Variants in HERC2 observed in about 807,000 individuals in gnomAD.
HERC2 encodes HECT and RLD domain containing E3 ubiquitin protein ligase 2.
HERC2 carries 102 observed loss-of-function variants against 537.7 expected under a neutral mutation model. That is an observed-to-expected ratio of 0.19 (90% CI 0.16 to 0.22). HERC2 has a LOEUF of 0.22. Ranked by LOEUF, HERC2 falls within the 10% of genes least tolerant of loss-of-function variation. The pLI is 1.00. For synonymous variants in HERC2, 2,224 were observed against 2,466.2 expected (o/e 0.90, Z 2.91); for missense variants, 4,236 against 6,198.2 (o/e 0.68, Z 10.63).
chr15:28,146,166 C>T (rs1427195326), intron 71 of HERC2, 71 bp downstream of exon 71: 3 of 1,042,456 alleles, frequency 2.9e-6, no homozygotes, highest in Non-Finnish European at 4.5e-6. Flanking sequence ...TTCTGTCCTA[C>T]AAATGTGAAG....
intron 69 of HERC2, among the ~76,000 whole-genome samples, chr15:28,160,309 C>T (rs893181803): frequency 2.6e-5 from 4 of 152,206 alleles, no homozygotes; most frequent in African/African-American, 4.8e-5. Flanking sequence ...GCCTTTTGTT[C>T]GGCTATGGCC....
At chr15:28,196,182 G>C in intron 52 of HERC2, 33 bp downstream of exon 52, 1 of 1,265,674 alleles carries the variant, frequency 7.9e-7, no homozygotes, top group Non-Finnish European at 1.1e-6. Flanking sequence ...ATTAATATTT[G>C]GTGGAAGAGA....
intron 2 of HERC2, among the ~76,000 whole-genome samples, chr15:28,318,922 C>T (rs1245395275): frequency 6.6e-6 from 1 of 150,744 alleles, no homozygotes; most frequent in Admixed American, 6.6e-5. Context: ...AAACATCTTC[C>T]TATCCCATGT....
At chr15:28,315,685 T>A in intron 2 of HERC2, 2 of 778,268 alleles carry the variant, frequency 2.6e-6, no homozygotes, top group Non-Finnish European at 4.4e-6. Flanking sequence ...CTTGGAAACC[T>A]CTGCGCCATG....
chr15:28,212,567 A>C lies in HERC2; in HGVS notation c.6803T>G (p.Phe2268Cys). The change falls in exon 43 of 93, where the codon TTT becomes TGT. Residue 2268 changes from phenylalanine (F) to cysteine (C), a missense_variant. Phe to Cys is a radical substitution (Grantham distance 205, BLOSUM62 -2). Coordinates refer to ENST00000261609, the MANE Select transcript of HERC2 (RefSeq NM_004667.6). ...NQLKPLPAVA[F>C]NVNNLPFTEP... is the part of the protein sequence containing the mutation. ...TGTGAAGGGCAGGTTGTTCACATTA[A>C]AGGCCACGGCAGGGAGCTGGAGAGG... 1 of 1,605,738 alleles carries C rather than the reference A, an allele frequency of 6.2e-7. No homozygotes were observed. The highest frequency in any genetic ancestry group is 8.5e-7 in the Non-Finnish European group (1 of 1,174,760).
chr15:28,159,356 C>T (rs1290320962), intron 69 of HERC2, among the ~76,000 whole-genome samples: 1 of 152,180 alleles, frequency 6.6e-6, no homozygotes, highest in African/African-American at 2.4e-5. Context: ...CCATTCTCCC[C>T]ATCACTTTCA....
intron 69 of HERC2, among the ~76,000 whole-genome samples, chr15:28,159,232 G>A (rs1482474091): frequency 6.6e-6 from 1 of 152,008 alleles, no homozygotes; most frequent in African/African-American, 2.4e-5. Flanking sequence ...TGCTCTTCTC[G>A]AGGAGTATCT....
In HERC2 at chr15:28,274,527, G is replaced by A. The variant is rs546673327; in HGVS notation, c.644-80C>T. ...GGCTTCCCACCCCTCAGCGAGAGAT[G>A]ACGCCACTGTCACCTTTCCAATCCC... is the stretch of plus-strand genomic sequence containing the variant. On this transcript the variant is annotated intron_variant, in intron 6 of 92. Transcript: ENST00000261609. 6.3e-5 allele frequency: 90 copies of A among 1,437,618 alleles called. No individual in the cohort carries two copies. In the South Asian group the frequency reaches 1.1e-3, roughly 18 times the overall value. The allele number at this position is 1,437,618 out of a possible 1,614,324, so 89.1% of individuals were successfully genotyped here. A position where few individuals can be genotyped will look rare whatever the true frequency, so the allele number is the denominator to read the frequency against.
intron 6 of HERC2, 50 bp downstream of exon 6, chr15:28,274,855 C>A: frequency 7.1e-7 from 1 of 1,404,430 alleles, no homozygotes; most frequent in Non-Finnish European, 1.0e-6. Context: ...GAAACCCAGT[C>A]TGTTGATGTA....
At position 28,114,733 on chromosome 15, in the gene HERC2, C is replaced by A. The variant is rs1888029927; in HGVS notation, c.13792G>T (p.Ala4598Ser). ...DNEATSEEFEAMSLPFTVPSA... is the reference protein window; with the variant it reads ...DNEATSEEFESMSLPFTVPSA... ...GGCACTGTGAAGGGCAGGCTCATGG[C>A]TTCAAACTCCTCTGAGGTGGCTTCA... Residue 4598 changes from alanine to serine, a missense_variant, in exon 90 of 93, where the codon GCC becomes TCC. Around this residue, in one of 27 missense-constraint regions of HERC2, gnomAD observed 313 missense variants for 462.6 expected, o/e 0.68. Transcript: ENST00000261609. 6.2e-7 allele frequency: 1 copy of A among 1,613,988 alleles called. No homozygotes were observed. The highest frequency in any genetic ancestry group is 1.3e-5 in the African/African-American group (1 of 74,896).
intron 4 of HERC2, among the ~76,000 whole-genome samples, chr15:28,283,764 T>A (rs2076083942): frequency 6.6e-6 from 1 of 152,222 alleles, no homozygotes; most frequent in Non-Finnish European, 1.5e-5. Context: ...AAGTATGTTA[T>A]GAACAGGAGA....
intron 69 of HERC2, among the ~76,000 whole-genome samples, chr15:28,156,171 T>C (rs952694633): frequency 4.6e-5 from 7 of 152,244 alleles, no homozygotes; most frequent in Non-Finnish European, 1.5e-5. Flanking sequence ...TGTAGCTTTG[T>C]AGTATAGTTT....
rs1477890821 is a variant in HERC2 at position 28,191,967 on chromosome 15, T to G, written c.8445A>C (p.Gln2815His). 1 of 1,613,232 alleles carries G rather than the reference T, an allele frequency of 6.2e-7. No individual in the cohort carries two copies. Among genetic ancestry groups the G allele is most frequent in the Non-Finnish European group, 8.5e-7 (1 of 1,179,914 alleles). The change falls in exon 53 of 93, where the codon CAA (glutamine) becomes CAC (histidine). Residue 2815 changes from glutamine to histidine, a missense_variant. Around this residue, in one of 27 missense-constraint regions of HERC2, gnomAD observed 606 missense variants for 884.5 expected, o/e 0.69. Transcript: ENST00000261609. ...SEPCWQSSGS[Q>H]GKHWIRLEIF... ...GTGCCCTATTAGATGCTACCTTTCC[T>G]TGCGACCCCGATGACTGCCAGCAGG...
chr15:28,235,102 C>T (rs1374195906), intron 26 of HERC2, among the ~76,000 whole-genome samples: 2 of 152,016 alleles, frequency 1.3e-5, no homozygotes, highest in East Asian at 1.9e-4. Context: ...TTATCAAATA[C>T]TGCTCCAAAT....
intron 71 of HERC2, among the ~76,000 whole-genome samples, chr15:28,145,153 G>A (rs1432220592): frequency 6.6e-6 from 1 of 152,206 alleles, no homozygotes; most frequent in Non-Finnish European, 1.5e-5. Context: ...CAGGCCAGGG[G>A]CCATGGGGAC....
intron 34 of HERC2, 143 bp downstream of exon 34, chr15:28,229,052 C>T (rs1343376609): frequency 1.3e-6 from 1 of 800,000 alleles, no homozygotes; most frequent in East Asian, 2.4e-5. Context: ...TCTGAGAAAG[C>T]TGACAGCAGC....
rs753220508 is a variant in HERC2 at position 28,256,124 on chromosome 15, C to T, written c.2711G>A (p.Arg904Gln). The T allele has an allele frequency of 1.9e-6, 3 of 1,602,058 alleles. No homozygotes were observed. The highest frequency in any genetic ancestry group is 2.5e-6 in the Non-Finnish European group (3 of 1,179,378). ...CAGGAGAGCAGAGAGTGCCCGGGCC[C>T]GCTCCTCCGCGGTGGGCAGCAGCAC... ...WSVLLPTAEE[R>Q]ARALSALLPC... Residue 904 changes from arginine to glutamine, a missense_variant, in exon 18 of 93, where the codon CGG becomes CAG. Physicochemically the swap from Arg to Gln is conservative, Grantham distance 43. Around this residue, in one of 27 missense-constraint regions of HERC2, gnomAD observed 754 missense variants for 1,085.0 expected, o/e 0.69. Transcript: ENST00000261609.
In HERC2 at chr15:28,245,876, C is replaced by T. The variant is rs779004257; in HGVS notation, c.3577+5G>A. 1.2e-6 allele frequency: 2 copies of T among 1,612,784 alleles called. No homozygotes were observed. The highest frequency in any genetic ancestry group is 8.5e-7 in the Non-Finnish European group (1 of 1,179,350). ...CCTCAGTAAAACTCCTTTAAGACGC[C>T]GTACCCATTATGCCAGGCCAGGCTA... On this transcript the variant is annotated splice_donor_5th_base_variant and intron_variant, in intron 23 of 92. Transcript: ENST00000261609.
chr15:28,145,952 C>T (rs1220992120), intron 71 of HERC2, among the ~76,000 whole-genome samples: 3 of 152,224 alleles, frequency 2.0e-5, no homozygotes, highest in South Asian at 2.1e-4. Context: ...TGACCTTACA[C>T]GAGCTCTGGC....
Sources: gnomAD v4.1 joint callset for allele counts (sites outside exome capture counted in the v4.1 genomes callset) on GRCh38, gnomAD v4.1.1 for gene constraint, gnomAD v4.1.1 regional missense constraint, MANE v1.5 for transcripts, NCBI Gene and HGNC (gene_info 2026-07-23, HGNC 2026-07-21) for gene names.